The following CCDC149 variants were observed in gnomAD, a reference collection of about 807,000 sequenced individuals.
CCDC149 encodes coiled-coil domain containing 149, also known as coiled-coil domain-containing protein 149.
A neutral mutation model predicts 59.9 loss-of-function variants in CCDC149; 45 were observed. The observed-to-expected ratio is 0.75, with a 90% confidence interval of 0.59 to 0.96. The LOEUF is 0.96. Among genes scored for constraint, CCDC149 ranks in the 40% least tolerant of loss-of-function variants. The pLI is 0.00. For missense variants in CCDC149, 584 were observed against 664.7 expected (o/e 0.88, Z 1.33); for synonymous variants, 245 against 260.6 (o/e 0.94, Z 0.58).
At chr4:24,889,399 T>C (rs1214402905) in intron 1 of CCDC149, among the ~76,000 whole-genome samples, 1 of 152,236 alleles carries the variant, frequency 6.6e-6, no homozygotes, top group African/African-American at 2.4e-5. Context: ...ATTTGCTCTG[T>C]CCCCAGTGCT....
chr4:24,899,994 T>C (rs942943055), intron 1 of CCDC149, among the ~76,000 whole-genome samples: 1 of 152,104 alleles, frequency 6.6e-6, no homozygotes, highest in African/African-American at 2.4e-5. Context: ...CCTTGACATC[T>C]CCATTTGCTG....
At chr4:24,915,485 G>A (rs766179830), upstream of CCDC149, among the ~76,000 whole-genome samples, 2 of 152,224 alleles carry the variant, frequency 1.3e-5, no homozygotes, top group African/African-American at 4.8e-5. Context: ...ATCAATGAGC[G>A]TTGGGAGCCA....
chr4:24,858,281 A>G (rs1718152120), intron 3 of CCDC149, among the ~76,000 whole-genome samples: 1 of 152,228 alleles, frequency 6.6e-6, no homozygotes, highest in Admixed American at 6.5e-5. Flanking sequence ...GAAAAGTGGC[A>G]GCCTGCCTAA....
intron 1 of CCDC149, among the ~76,000 whole-genome samples, chr4:24,965,400 C>A (rs1723764424): frequency 6.8e-6 from 1 of 147,288 alleles, no homozygotes; most frequent in Non-Finnish European, 1.5e-5. Context: ...ATACCTAGAA[C>A]AACTACTAAA....
Position 24,912,908 on chromosome 4 carries a change from G to T in CCDC149, c.-29C>A, listed in dbSNP as rs1208745185. The T allele has an allele frequency of 1.6e-6, 2 of 1,274,996 alleles. No homozygotes were observed. Among genetic ancestry groups the T allele is most frequent in the Admixed American group, 2.9e-5 (1 of 34,988 alleles). The allele number at this position is 1,274,996 out of a possible 1,614,324, so 79.0% of individuals were successfully genotyped here. A position where few individuals can be genotyped will look rare whatever the true frequency, so the allele number is the denominator to read the frequency against. ...CTGGCCGGCCTCCTGGACCCCCGCC[G>T]CCTCCTCCTCCTCGCGACGTCGCGT... is the stretch of plus-strand genomic sequence containing the variant. On this transcript the variant is annotated 5_prime_UTR_variant, in exon 1 of 13. Coordinates refer to ENST00000635206, the MANE Select transcript of CCDC149 (RefSeq NM_001330643.2).
At chr4:24,949,331 T>C (rs1277906617) in intron 1 of CCDC149, among the ~76,000 whole-genome samples, 1 of 151,692 alleles carries the variant, frequency 6.6e-6, no homozygotes, top group Non-Finnish European at 1.5e-5. Context: ...GTGCACACAG[T>C]ATGCCCCACC....
intron 3 of CCDC149, among the ~76,000 whole-genome samples, chr4:24,853,462 C>T (rs915268829): frequency 1.3e-5 from 2 of 151,656 alleles, no homozygotes; most frequent in African/African-American, 4.8e-5. Flanking sequence ...GTCTTATTTG[C>T]CTTAAACAAA....
At chr4:24,879,602 T>G (rs1719708609) in intron 1 of CCDC149, among the ~76,000 whole-genome samples, 1 of 150,852 alleles carries the variant, frequency 6.6e-6, no homozygotes, top group Admixed American at 6.6e-5. Context: ...GGATAATCGC[T>G]TGAACTCGGG....
intron 1 of CCDC149, among the ~76,000 whole-genome samples, chr4:24,974,069 C>A (rs866158610): frequency 1.3e-4 from 20 of 152,356 alleles, no homozygotes; most frequent in Middle Eastern, 3.4e-3. Flanking sequence ...TAAACAAACG[C>A]CTGGAACAAA....
chr4:24,857,862 G>A (rs1718121843), intron 3 of CCDC149, among the ~76,000 whole-genome samples: 1 of 152,138 alleles, frequency 6.6e-6, no homozygotes, highest in Admixed American at 6.5e-5. Context: ...CAAAGCAGGT[G>A]ACTGTAATTT....
rs552705549 is a variant in CCDC149, at chr4:24,922,047, G to A, written c.-64-26929C>T. On this transcript the variant is annotated intron_variant, in intron 1 of 12. Transcript: ENST00000389609. ...TCTGTTCCAGATGCTTTCGGTCTGT[G>A]TCTCTTCACATCATCTTTCCTTTAT... Among the ~76,000 whole-genome samples, 9 of 152,290 alleles carry A rather than the reference G, an allele frequency of 5.9e-5. 1 individual carries two copies. In the East Asian group the frequency reaches 1.7e-3, roughly 29 times the overall value.
intron 1 of CCDC149, among the ~76,000 whole-genome samples, chr4:24,924,618 G>A (rs1722385045): frequency 6.6e-6 from 1 of 152,334 alleles, no homozygotes; most frequent in East Asian, 1.9e-4. Flanking sequence ...TCCATGTGGT[G>A]TTTCTTCCTC....
At chr4:24,873,763 G>C in intron 2 of CCDC149, 44 bp from the exon 3 acceptor site, 1 of 1,459,762 alleles carries the variant, frequency 6.9e-7, no homozygotes, top group Non-Finnish European at 9.6e-7. Context: ...TAGAAAAATA[G>C]ATGTACTTAG....
Position 24,821,095 on chromosome 4 carries a change from C to G in CCDC149, c.1043-8G>C. The G allele has an allele frequency of 8.1e-7, 1 of 1,230,342 alleles. No homozygotes were observed. Among genetic ancestry groups the G allele is most frequent in the Admixed American group, 4.2e-5 (1 of 23,690 alleles). The allele number at this position is 1,230,342 out of a possible 1,614,324, so 76.2% of individuals were successfully genotyped here. On this transcript the variant is annotated splice_polypyrimidine_tract_variant and splice_region_variant and intron_variant, in intron 10 of 12. Coordinates refer to ENST00000635206, the MANE Select transcript of CCDC149 (RefSeq NM_001330643.2). ...AAACATTGTAGCTCAGGCCTTCAGG[C>G]AGCAAAAAGAAAAAAAGGAAATAAT...
At chr4:24,958,941 G>A (rs1187198184) in intron 1 of CCDC149, among the ~76,000 whole-genome samples, 1 of 150,362 alleles carries the variant, frequency 6.7e-6, no homozygotes, top group Non-Finnish European at 1.5e-5. Context: ...GCTGAGGCAC[G>A]AGAATCACTT....
chr4:24,893,442 C>T (rs570020845), intron 1 of CCDC149, among the ~76,000 whole-genome samples: 1 of 151,790 alleles, frequency 6.6e-6, no homozygotes, highest in South Asian at 2.1e-4. Context: ...AATTGGACAC[C>T]CAATATTGTA....
At chr4:24,885,772 T>A (rs1335478773) in intron 1 of CCDC149, among the ~76,000 whole-genome samples, 1 of 152,230 alleles carries the variant, frequency 6.6e-6, no homozygotes, top group African/African-American at 2.4e-5. Context: ...TAGGGACTGC[T>A]GACATTCTCT....
intron 3 of CCDC149, among the ~76,000 whole-genome samples, chr4:24,854,757 G>A (rs1450983972): frequency 1.3e-5 from 2 of 152,144 alleles, no homozygotes; most frequent in African/African-American, 4.8e-5. Context: ...TTACCTACTA[G>A]GTCTCCCCAC....
At chr4:24,931,074 G>C (rs531878993) in intron 1 of CCDC149, among the ~76,000 whole-genome samples, 3 of 151,902 alleles carry the variant, frequency 2.0e-5, no homozygotes, top group Non-Finnish European at 4.4e-5. Context: ...AGCCTACAGT[G>C]ATGTAACCCT....
Sources: gnomAD v4.1 joint callset for allele counts (sites outside exome capture counted in the v4.1 genomes callset) on GRCh38, gnomAD v4.1.1 for gene constraint, MANE v1.5 for transcripts, NCBI Gene and HGNC (gene_info 2026-07-23, HGNC 2026-07-21) for gene names.